Variants in CUBN observed in about 807,000 individuals in gnomAD.
CUBN encodes the protein 460 kDa receptor.
CUBN carries 282 observed loss-of-function variants against 405.3 expected under a neutral mutation model. The observed-to-expected ratio is 0.70, with a 90% CI of 0.63 to 0.77. The LOEUF is 0.77. Ranked by LOEUF, CUBN falls within the 30% of genes least tolerant of loss-of-function variation. The pLI is 0.00. For missense variants in CUBN, 4,514 were observed against 4,475.2 expected, an observed-to-expected ratio of 1.01 and a Z score of -0.25; for synonymous variants, 1,684 against 1,617.0, an observed-to-expected ratio of 1.04 and a Z score of -0.99.
At chr10:16,937,565 A>G (rs1423751326) in intron 39 of CUBN, 27 bp downstream of exon 39, 4 of 1,606,134 alleles carry the variant, frequency 2.5e-6, no homozygotes, top group Non-Finnish European at 3.4e-6. Context: ...CAGTCCTAAA[A>G]AGAACTTCAT....
intron 8 of CUBN, 68 bp from the exon 9 acceptor site, chr10:17,111,118 C>A: frequency 6.4e-7 from 1 of 1,551,526 alleles, no homozygotes; most frequent in South Asian, 1.1e-5. Flanking sequence ...ATACAAGAGT[C>A]AAAACATATA....
intron 29 of CUBN, among the ~76,000 whole-genome samples, chr10:16,988,693 G>A (rs1442941458): frequency 6.6e-6 from 1 of 152,108 alleles, no homozygotes; most frequent in African/African-American, 2.4e-5. Flanking sequence ...TATAATTAAA[G>A]TTTTTGTTAA....
intron 4 of CUBN, among the ~76,000 whole-genome samples, chr10:17,125,832 A>G (rs1426073636): frequency 1.3e-5 from 2 of 152,202 alleles, no homozygotes; most frequent in Non-Finnish European, 2.9e-5. Context: ...CCACAGCACT[A>G]TTCTTTACTC....
chr10:17,078,146 G>A (rs1835890986), intron 17 of CUBN, among the ~76,000 whole-genome samples: 1 of 152,032 alleles, frequency 6.6e-6, no homozygotes, highest in Non-Finnish European at 1.5e-5. Context: ...CAGGCACAAT[G>A]TGACAAGGAA....
chr10:17,065,990 T>C (rs1351771792), intron 21 of CUBN, among the ~76,000 whole-genome samples: 1 of 152,222 alleles, frequency 6.6e-6, no homozygotes, highest in African/African-American at 2.4e-5. Context: ...CATAAAATCA[T>C]AGAGTCATCT....
chr10:17,080,161 A>G (rs1361896810), intron 17 of CUBN, among the ~76,000 whole-genome samples: 1 of 152,142 alleles, frequency 6.6e-6, no homozygotes, highest in Non-Finnish European at 1.5e-5. Flanking sequence ...TTTTCTATGT[A>G]GTCTTTCATT....
chr10:16,853,600 T>G (rs971215170), intron 59 of CUBN, among the ~76,000 whole-genome samples: 3 of 152,344 alleles, frequency 2.0e-5, no homozygotes, highest in South Asian at 2.1e-4. Context: ...AGTATTTGCA[T>G]AGTCAGACAT....
At chr10:16,856,369 A>G (rs931971163) in intron 59 of CUBN, among the ~76,000 whole-genome samples, 1 of 152,162 alleles carries the variant, frequency 6.6e-6, no homozygotes, top group Non-Finnish European at 1.5e-5. Context: ...CTCTCACACA[A>G]AAGAGCCATT....
intron 54 of CUBN, among the ~76,000 whole-genome samples, chr10:16,896,999 A>T (rs1309349174): frequency 6.6e-6 from 1 of 151,996 alleles, no homozygotes; most frequent in African/African-American, 2.4e-5. Context: ...TCAGTTCTAT[A>T]ATTTCTATTT....
At chr10:16,976,162 G>C (rs1258346450) in intron 31 of CUBN, among the ~76,000 whole-genome samples, 1 of 151,666 alleles carries the variant, frequency 6.6e-6, no homozygotes, top group Non-Finnish European at 1.5e-5. Context: ...TGTAGAGACA[G>C]GGTCTCACTA....
At chr10:17,092,201 G>A (rs1486162457) in intron 14 of CUBN, among the ~76,000 whole-genome samples, 3 of 152,094 alleles carry the variant, frequency 2.0e-5, no homozygotes, top group Non-Finnish European at 4.4e-5. Flanking sequence ...GACGCTTTCT[G>A]ACTAAGCTCC....
chr10:16,942,128 C>T (rs916514447), intron 36 of CUBN, among the ~76,000 whole-genome samples: 2 of 152,114 alleles, frequency 1.3e-5, no homozygotes, highest in African/African-American at 4.8e-5. Flanking sequence ...ATTCCACACC[C>T]ATCATAAGGG....
intron 19 of CUBN, among the ~76,000 whole-genome samples, chr10:17,071,165 T>C (rs1424141518): frequency 1.3e-5 from 2 of 152,188 alleles, no homozygotes; most frequent in African/African-American, 4.8e-5. Flanking sequence ...TGGTACCATG[T>C]ATCACATTAA....
intron 22 of CUBN, among the ~76,000 whole-genome samples, chr10:17,047,921 A>C (rs959524081): frequency 6.6e-6 from 1 of 152,214 alleles, no homozygotes; most frequent in Non-Finnish European, 1.5e-5. Context: ...GATCCACTGC[A>C]GGAGGGCCTA....
At chr10:17,094,683 G>T (rs1176549614) in intron 14 of CUBN, among the ~76,000 whole-genome samples, 1 of 151,886 alleles carries the variant, frequency 6.6e-6, no homozygotes, top group African/African-American at 2.4e-5. Context: ...AAATACTTAG[G>T]AATGTATTTA....
chr10:16,918,504 A>G, intron 45 of CUBN, 118 bp downstream of exon 45: 3 of 753,406 alleles, frequency 4.0e-6, no homozygotes, highest in Non-Finnish European at 4.5e-6. Context: ...GGTACTAGGC[A>G]TAGTACCTGG....
Position 16,979,353 on chromosome 10 carries a change from T to C in CUBN, c.4695+3131A>G, listed in dbSNP as rs1032408623. On this transcript the variant is annotated intron_variant, in intron 31 of 66. Coordinates refer to ENST00000377833, the MANE Select transcript of CUBN (RefSeq NM_001081.4). ...ATTAGAAAAAAAACTCTAAATTTCA[T>C]GTGGAACAAAAAAAGAGCCTGTACA... Among the ~76,000 whole-genome samples, 22 of 152,274 alleles carry C rather than the reference T, an allele frequency of 1.4e-4. 5 individuals are homozygous for C. Among genetic ancestry groups the C allele is most frequent in the East Asian group, 9.6e-4 (5 of 5,182 alleles).
intron 28 of CUBN, among the ~76,000 whole-genome samples, chr10:16,993,988 G>C (rs1025143646): frequency 1.3e-5 from 2 of 152,128 alleles, no homozygotes; most frequent in African/African-American, 4.8e-5. Flanking sequence ...CACAGCAAAT[G>C]CAAAATAGGA....
In CUBN at chr10:16,964,963, C is replaced by G. The variant is rs1158718036; in HGVS notation, c.4696-10415G>C. On this transcript the variant is annotated intron_variant, in intron 31 of 66. Coordinates refer to ENST00000377833, the MANE Select transcript of CUBN (RefSeq NM_001081.4). ...CGAAAATCAGTGTCTCAAACTGAAG[C>G]CCTCTTCCTGTCCCTCTCATTTCTC... is the stretch of plus-strand genomic sequence containing the variant. Among the ~76,000 whole-genome samples the G allele has an allele frequency of 2.0e-5, 3 of 152,220 alleles. No homozygotes were observed. The East Asian group carries it at 5.8e-4, about 29-fold the overall frequency.
Sources: gnomAD v4.1 joint callset for allele counts (sites outside exome capture counted in the v4.1 genomes callset) on GRCh38, gnomAD v4.1.1 for gene constraint, MANE v1.5 for transcripts, NCBI Gene and HGNC (gene_info 2026-07-23, HGNC 2026-07-21) for gene names.